The following OXCT1 variants were observed in gnomAD, a reference collection of about 807,000 sequenced individuals.
The protein encoded by OXCT1 is 3-oxoacid CoA-transferase 1, also known as succinyl-CoA:3-ketoacid coenzyme A transferase 1, mitochondrial.
OXCT1 carries 27 observed loss-of-function variants against 69.6 expected under a neutral mutation model. The observed-to-expected ratio is 0.39, with a 90% CI of 0.29 to 0.54. The LOEUF (loss-of-function observed/expected upper bound fraction) is 0.54, where lower values mean the gene tolerates loss of function less well. OXCT1 is among the 20% of genes least tolerant of loss of function. The pLI is 0.72. For synonymous variants in OXCT1, 202 were observed against 217.8 expected, an observed-to-expected ratio of 0.93 and a Z score of 0.64; for missense variants, 437 against 650.2, an observed-to-expected ratio of 0.67 and a Z score of 3.57.
chr5:41,794,115 A>G, intron 12 of OXCT1, 37 bp from the exon 13 acceptor site: 1 of 1,500,372 alleles, frequency 6.7e-7, no homozygotes, highest in East Asian at 2.3e-5. Context: ...TGAACCTCAT[A>G]AGCTTTTGTC....
At chr5:41,842,918 T>G (rs1748708164) in intron 5 of OXCT1, 137 bp from the exon 6 acceptor site, 1 of 738,860 alleles carries the variant, frequency 1.4e-6, no homozygotes, top group Non-Finnish European at 2.5e-6. Context: ...TCCCAGAGAC[T>G]TCAAAGATAA....
chr5:41,788,048 G>A (rs771999659), intron 13 of OXCT1, among the ~76,000 whole-genome samples: 1 of 152,106 alleles, frequency 6.6e-6, no homozygotes. Flanking sequence ...CGAGTGTTTA[G>A]AGCAAAAATA....
chr5:41,746,511 T>C (rs750823219), intron 15 of OXCT1, among the ~76,000 whole-genome samples: 1 of 152,116 alleles, frequency 6.6e-6, no homozygotes. Context: ...GCACCTACTA[T>C]GCACAGAGCA....
intron 4 of OXCT1, among the ~76,000 whole-genome samples, chr5:41,850,476 GA>G (rs1749127701): frequency 6.6e-6 from 1 of 151,926 alleles, no homozygotes; most frequent in South Asian, 2.1e-4. Context: ...GTCTATTTTT[GA>G]TATTCTAAGT....
intron 3 of OXCT1, 24 bp from the exon 4 acceptor site, chr5:41,853,578 TA>T: frequency 6.2e-7 from 1 of 1,612,374 alleles, no homozygotes; most frequent in Non-Finnish European, 8.5e-7. Context: ...GAAGGGAGCT[TA>T]CCAAAGAGCA....
chr5:41,853,219 A>ATCCAG (rs1278497972), intron 4 of OXCT1, among the ~76,000 whole-genome samples, 200 bp downstream of exon 4: 1 of 152,206 alleles, frequency 6.6e-6, no homozygotes, highest in African/African-American at 2.4e-5. Flanking sequence ...ATCTTTTAGA[A>ATCCAG]ATATCTCTTT....
intron 15 of OXCT1, among the ~76,000 whole-genome samples, chr5:41,743,871 T>C (rs922438493): frequency 1.3e-5 from 2 of 152,210 alleles, no homozygotes; most frequent in African/African-American, 4.8e-5. Context: ...CATGCTGTTT[T>C]GGTTACTGTA....
chr5:41,798,210 G>C (rs1190422087), intron 11 of OXCT1, among the ~76,000 whole-genome samples: 2 of 152,078 alleles, frequency 1.3e-5, no homozygotes, highest in Admixed American at 1.3e-4. Context: ...AGTCCAGAAT[G>C]GGTACACAAA....
At chr5:41,733,003 T>C (rs1351968974) in intron 16 of OXCT1, among the ~76,000 whole-genome samples, 2 of 152,102 alleles carry the variant, frequency 1.3e-5, no homozygotes, top group Non-Finnish European at 2.9e-5. Flanking sequence ...ACAATAATAA[T>C]AAAGTTCAGC....
intron 8 of OXCT1, among the ~76,000 whole-genome samples, chr5:41,806,161 C>T (rs769579003): frequency 6.6e-6 from 1 of 152,002 alleles, no homozygotes; most frequent in Non-Finnish European, 1.5e-5. Flanking sequence ...ATAGAAATAC[C>T]CAGAAACCAG....
At chr5:41,746,895 T>G (rs1034854164) in intron 15 of OXCT1, among the ~76,000 whole-genome samples, 2 of 152,162 alleles carry the variant, frequency 1.3e-5, no homozygotes, top group African/African-American at 4.8e-5. Flanking sequence ...TTACCAACAA[T>G]GTGCAATTCA....
chr5:41,827,451 G>C (rs949574653), intron 7 of OXCT1, among the ~76,000 whole-genome samples: 1 of 152,212 alleles, frequency 6.6e-6, no homozygotes, highest in Non-Finnish European at 1.5e-5. Context: ...TTCACCTGGT[G>C]ATTAGAGGAT....
intron 16 of OXCT1, among the ~76,000 whole-genome samples, chr5:41,738,901 C>G (rs1039252942): frequency 3.9e-5 from 6 of 152,178 alleles, no homozygotes; most frequent in Non-Finnish European, 8.8e-5. Flanking sequence ...TTTGTGATGA[C>G]TAACCTGGTG....
intron 15 of OXCT1, 28 bp downstream of exon 15, chr5:41,749,499 T>C (rs374726508): frequency 1.7e-5 from 25 of 1,437,140 alleles, no homozygotes; most frequent in Non-Finnish European, 2.4e-5. Flanking sequence ...ACTTAAAACA[T>C]GGTAATAGTA....
intron 5 of OXCT1, among the ~76,000 whole-genome samples, chr5:41,846,313 G>T (rs1476373946): frequency 7.9e-6 from 1 of 127,270 alleles, no homozygotes; most frequent in Non-Finnish European, 1.6e-5. Context: ...CCCAGAGTGT[G>T]ATGTTCCCCT....
At chr5:41,745,799 G>C (rs1219041776) in intron 15 of OXCT1, among the ~76,000 whole-genome samples, 1 of 152,146 alleles carries the variant, frequency 6.6e-6, no homozygotes, top group African/African-American at 2.4e-5. Context: ...AGAAAGTCTA[G>C]AAGAAATGGA....
chr5:41,839,236 G>C (rs1383086632), intron 7 of OXCT1, among the ~76,000 whole-genome samples: 3 of 152,144 alleles, frequency 2.0e-5, no homozygotes, highest in Non-Finnish European at 4.4e-5. Context: ...ATTATAACAG[G>C]AAAAATTTTA....
intron 13 of OXCT1, among the ~76,000 whole-genome samples, chr5:41,777,507 C>A (rs77635840): frequency 0.011 from 1,699 of 152,278 alleles, 30 homozygotes; most frequent in Middle Eastern, 0.034. Flanking sequence ...TTTTCCCCAG[C>A]CTCCAGAAAG....
chr5:41,745,304 G>A (rs2112028142), intron 15 of OXCT1, among the ~76,000 whole-genome samples: 1 of 152,150 alleles, frequency 6.6e-6, no homozygotes, highest in African/African-American at 2.4e-5. Flanking sequence ...AATGACTACT[G>A]GGTACATAAC....
Sources: gnomAD v4.1 joint callset for allele counts (sites outside exome capture counted in the v4.1 genomes callset) on GRCh38, gnomAD v4.1.1 for gene constraint, MANE v1.5 for transcripts, NCBI Gene and HGNC (gene_info 2026-07-23, HGNC 2026-07-21) for gene names.